The following ROBO2 variants were observed in gnomAD, a reference collection of about 807,000 sequenced individuals.
ROBO2 encodes roundabout homolog 2.
In ROBO2, 53 loss-of-function variants were observed where a neutral mutation model predicts 160.8. The observed-to-expected ratio is 0.33, with a 90% confidence interval of 0.26 to 0.41. ROBO2 has a LOEUF of 0.41. Among genes scored for constraint, ROBO2 ranks in the 10% least tolerant of loss-of-function variants. The probability of loss-of-function intolerance (pLI) is 1.00; values close to 1 mark genes in which losing one functional copy is unlikely to be tolerated. For synonymous variants in ROBO2, 664 were observed against 611.7 expected (o/e 1.09, Z -1.26); for missense variants, 1,577 against 1,722.4 (o/e 0.92, Z 1.49).
chr3:76,961,140 A>C (rs191798268), intron 2 of ROBO2, among the ~76,000 whole-genome samples: 111 of 151,978 alleles, frequency 7.3e-4, no homozygotes, highest in African/African-American at 2.6e-3. Context: ...AACCCTGGCA[A>C]ATCATCAGAA....
At chr3:76,618,589 A>G (rs1032126045) in intron 2 of ROBO2, among the ~76,000 whole-genome samples, 2 of 151,614 alleles carry the variant, frequency 1.3e-5, no homozygotes, top group African/African-American at 4.9e-5. Flanking sequence ...AAACTACCTG[A>G]TAATTCCTTG....
At chr3:77,550,537 A>T (rs2153653184) in intron 7 of ROBO2, among the ~76,000 whole-genome samples, 1 of 152,202 alleles carries the variant, frequency 6.6e-6, no homozygotes, top group South Asian at 2.1e-4. Flanking sequence ...AGTAACTAGC[A>T]GAAAATCAGG....
intron 16 of ROBO2, among the ~76,000 whole-genome samples, chr3:77,588,473 TTTTATAA>T (rs1180509961): frequency 7.2e-5 from 10 of 139,848 alleles, no homozygotes; most frequent in African/African-American, 2.7e-4. Context: ...TAGTACTTAT[TTTTATAA>T]TTTATAAGGT....
chr3:77,602,356 C>T lies in ROBO2; in HGVS notation c.3001C>T (p.Gln1001Ter). 6.2e-7 allele frequency: 1 copy of T among 1,614,120 alleles called. No homozygotes were observed. The highest frequency in any genetic ancestry group is 8.5e-7 in the Non-Finnish European group (1 of 1,180,018). The stretch of plus-strand genomic sequence containing the variant: ...ACAGGCTACCCCATATGCCACGACA[C>T]AGATCTTGCATTCCAACAGCATACA... The change falls in exon 20 of 26, where the codon CAG becomes TAG. Residue 1001 changes from glutamine (Q) to a stop codon, truncating the protein, a stop_gained. Transcript: ENST00000461745. LOFTEE classifies it high-confidence loss of function.
At chr3:76,560,693 T>C (rs2084118511) in intron 2 of ROBO2, among the ~76,000 whole-genome samples, 1 of 150,742 alleles carries the variant, frequency 6.6e-6, no homozygotes, top group Non-Finnish European at 1.5e-5. Flanking sequence ...GGAACCCTTT[T>C]TCCCCCACAT....
chr3:76,145,508 C>G (rs2071850934), intron 2 of ROBO2, among the ~76,000 whole-genome samples: 1 of 151,848 alleles, frequency 6.6e-6, no homozygotes, highest in Non-Finnish European at 1.5e-5. Flanking sequence ...TTGTGATGAG[C>G]TACCTTTTAT....
chr3:76,142,445 A>G (rs932948646), intron 2 of ROBO2, among the ~76,000 whole-genome samples: 18 of 152,124 alleles, frequency 1.2e-4, no homozygotes, highest in African/African-American at 4.3e-4. Flanking sequence ...GATAAAGAAA[A>G]TGTAGTACAT....
intron 16 of ROBO2, among the ~76,000 whole-genome samples, chr3:77,582,159 T>C (rs1384982478): frequency 6.6e-6 from 1 of 152,214 alleles, no homozygotes; most frequent in Non-Finnish European, 1.5e-5. Context: ...TTGCATATTG[T>C]TAGGTGATCT....
intron 2 of ROBO2, among the ~76,000 whole-genome samples, chr3:77,296,730 G>T (rs183003519): frequency 1.2e-3 from 177 of 152,226 alleles, no homozygotes; most frequent in Non-Finnish European, 2.1e-3. Context: ...AAAATCTTAA[G>T]AAGGCTGAAA....
chr3:75,993,704 G>A (rs996135239), intron 2 of ROBO2, among the ~76,000 whole-genome samples: 1 of 152,152 alleles, frequency 6.6e-6, no homozygotes, highest in Admixed American at 6.5e-5. Flanking sequence ...ATGGTAGGCA[G>A]AGAAGGTGTG....
At chr3:77,214,642 T>A (rs1259243703) in intron 2 of ROBO2, among the ~76,000 whole-genome samples, 3 of 152,250 alleles carry the variant, frequency 2.0e-5, no homozygotes, top group African/African-American at 7.2e-5. Flanking sequence ...CTGGTTATTT[T>A]GCTCATTAGT....
chr3:76,016,879 G>A (rs1048273416), intron 2 of ROBO2, among the ~76,000 whole-genome samples: 1 of 152,066 alleles, frequency 6.6e-6, no homozygotes, highest in African/African-American at 2.4e-5. Flanking sequence ...ACAGACAAAT[G>A]AAGACTAAAC....
intron 2 of ROBO2, among the ~76,000 whole-genome samples, chr3:77,364,606 C>G (rs1254221401): frequency 1.3e-5 from 2 of 152,048 alleles, no homozygotes; most frequent in African/African-American, 4.8e-5. Flanking sequence ...TCTCATATAC[C>G]AGCTGATATA....
At chr3:77,306,305 T>C (rs2063087576) in intron 2 of ROBO2, among the ~76,000 whole-genome samples, 2 of 152,132 alleles carry the variant, frequency 1.3e-5, no homozygotes, top group South Asian at 4.1e-4. Flanking sequence ...TTTCTTGTAA[T>C]TGAAAACTCT....
chr3:76,152,572 G>T (rs953255318), intron 2 of ROBO2, among the ~76,000 whole-genome samples: 27 of 152,156 alleles, frequency 1.8e-4, no homozygotes, highest in African/African-American at 6.5e-4. Context: ...TAATGTTTAT[G>T]AATTAAAATA....
intron 2 of ROBO2, among the ~76,000 whole-genome samples, chr3:77,310,646 TG>T (rs1375612579): frequency 1.3e-5 from 2 of 152,164 alleles, no homozygotes; most frequent in African/African-American, 4.8e-5. Context: ...CAAAATTAAA[TG>T]GTATGGTGCA....
At chr3:77,284,658 G>A (rs753075910) in intron 2 of ROBO2, among the ~76,000 whole-genome samples, 10 of 151,972 alleles carry the variant, frequency 6.6e-5, no homozygotes, top group Non-Finnish European at 7.4e-5. Context: ...GGAAGCCCTG[G>A]GTATGATGAC....
At chr3:76,386,559 A>G (rs936400108) in intron 2 of ROBO2, among the ~76,000 whole-genome samples, 1 of 152,044 alleles carries the variant, frequency 6.6e-6, no homozygotes, top group African/African-American at 2.4e-5. Context: ...GTTGCAAGCC[A>G]TTGTGTTCCC....
At chr3:77,615,496 T>C (rs886944874) in intron 21 of ROBO2, among the ~76,000 whole-genome samples, 1 of 152,228 alleles carries the variant, frequency 6.6e-6, no homozygotes, top group African/African-American at 2.4e-5. Flanking sequence ...TGCCTGTCCA[T>C]GGTTTCCTCT....
Sources: gnomAD v4.1 joint callset for allele counts (sites outside exome capture counted in the v4.1 genomes callset) on GRCh38, gnomAD v4.1.1 for gene constraint, MANE v1.5 for transcripts, NCBI Gene and HGNC (gene_info 2026-07-23, HGNC 2026-07-21) for gene names.